ARID1A: variants seen among roughly 807,000 people sequenced by gnomAD.
The protein encoded by ARID1A is AT-rich interaction domain 1A.
In ARID1A, 20 loss-of-function variants were observed where a neutral mutation model predicts 212.6. The observed-to-expected ratio is 0.09, with a 90% CI of 0.07 to 0.14. The LOEUF (loss-of-function observed/expected upper bound fraction) is 0.14, where lower values mean the gene tolerates loss of function less well. Ranked by LOEUF, ARID1A falls within the 10% of genes least tolerant of loss-of-function variation. ARID1A has a pLI of 1.00. For synonymous variants in ARID1A, 1,376 were observed against 1,222.1 expected (o/e 1.13, Z -2.63); for missense variants, 2,587 against 3,059.0 (o/e 0.85, Z 3.64).
At position 26,771,619 on chromosome 1, in the gene ARID1A, T is replaced by C. The variant is rs1230915625; in HGVS notation, c.3406+293T>C. On this transcript the variant is annotated intron_variant, in intron 12 of 19. Coordinates refer to ENST00000324856, the MANE Select transcript of ARID1A (RefSeq NM_006015.6). This position sits in a 1 kb window ranked among gnomAD's most constrained non-coding sequence, Gnocchi z 5.4. ...GCACAAGAGGAGTCGGTGGAACTTA[T>C]AAATGGCAGCAAGGCAGGGCCATCT... 8 of 442,056 alleles carry C rather than the reference T, an allele frequency of 1.8e-5. No individual in the cohort carries two copies. Among genetic ancestry groups the C allele is most frequent in the South Asian group, 5.3e-5 (2 of 38,000 alleles). The allele number at this position is 442,056 out of a possible 1,614,324, so 27.4% of individuals were successfully genotyped here.
Position 26,696,335 on chromosome 1 carries a change from G to A in ARID1A, c.-69G>A. The A allele has an allele frequency of 1.7e-6, 2 of 1,206,720 alleles. No individual in the cohort carries two copies. Among genetic ancestry groups the A allele is most frequent in the Non-Finnish European group, 2.1e-6 (2 of 971,332 alleles). 74.8% of individuals were successfully genotyped at this position (1,206,720 alleles called of 1,614,324 possible). On this transcript the variant is annotated 5_prime_UTR_variant, in exon 1 of 20. Transcript: ENST00000324856. ...GGCAGCCCGGGGGACTGGGCCCCGG[G>A]GCGGGGTGGGAGGGGGGGAGAAGAC... is the stretch of plus-strand genomic sequence containing the variant.
rs1474711243 is a variant in ARID1A at position 26,731,438 on chromosome 1, A to G, written c.1637A>G (p.Gln546Arg). 2 of 1,613,266 alleles carry G rather than the reference A, an allele frequency of 1.2e-6. No individual in the cohort carries two copies. The highest frequency in any genetic ancestry group is 4.5e-5 in the East Asian group (2 of 44,866). Residue 546 changes from glutamine to arginine, a missense_variant, in exon 3 of 20, where the codon CAG becomes CGG. Transcript: ENST00000324856. ...CAGTCGACGACACAGCAGCACCCCC[A>G]GAGCCAGCCCCCCTACTCACAGCCA... ...SQQSTTQQHP[Q>R]SQPPYSQPQA...
Position 26,780,720 on chromosome 1 carries a change from C to G in ARID1A, c.6822C>G (p.Val2274=), listed in dbSNP as rs1165746520. 1 of 1,586,730 alleles carries G rather than the reference C, an allele frequency of 6.3e-7. No homozygotes were observed. Among genetic ancestry groups the G allele is most frequent in the Non-Finnish European group, 8.6e-7 (1 of 1,169,300 alleles). ...SPLMNSLVSQ[V]ICDVLFLIGQ... ...TGATGAACTCATTGGTTTCACAAGT[C>G]ATTTGTGATGTACTGTTTTTGATTG... Residue 2274 remains valine (V), a synonymous_variant, in exon 20 of 20, where the codon GTC becomes GTG. Transcript: ENST00000324856. This position sits in a 1 kb window ranked among gnomAD's most constrained non-coding sequence, Gnocchi z 7.2.
intron 4 of ARID1A, among the ~76,000 whole-genome samples, chr1:26,754,302 G>A (rs911790609): frequency 3.0e-4 from 45 of 152,328 alleles, no homozygotes; most frequent in African/African-American, 1.1e-3. Flanking sequence ...ATCTGTTCAT[G>A]TAGATAGAGG....
chr1:26,732,568 CTT>C lies in ARID1A; in HGVS notation c.1804-106_1804-105del, dbSNP rs932250291. On this transcript the variant is annotated intron_variant, in intron 3 of 19. Coordinates refer to ENST00000324856, the MANE Select transcript of ARID1A (RefSeq NM_006015.6). ...TCACATAATACTTTTCGCAACTGGA[CTT>C]TCTCTCACACTCATGAGAGACAGTC... The C allele has an allele frequency of 8.0e-6, 7 of 869,680 alleles. No individual in the cohort carries two copies. The African/African-American group carries it at 1.2e-4, about 15-fold the overall frequency. The allele number at this position is 869,680 out of a possible 1,614,324, so 53.9% of individuals were successfully genotyped here. A position where few individuals can be genotyped will look rare whatever the true frequency, so the allele number is the denominator to read the frequency against.
chr1:26,709,049 A>G (rs1214284906), intron 1 of ARID1A, among the ~76,000 whole-genome samples: 1 of 152,144 alleles, frequency 6.6e-6, no homozygotes, highest in African/African-American at 2.4e-5. Flanking sequence ...GTTGAGTGCC[A>G]CATACAAAGT....
chr1:26,714,710 G>A (rs1430106132), intron 1 of ARID1A, among the ~76,000 whole-genome samples: 5 of 151,914 alleles, frequency 3.3e-5, no homozygotes, highest in Non-Finnish European at 7.4e-5. Context: ...CCACCGCGCC[G>A]CATATATAAT....
At chr1:26,711,476 ATC>A (rs2080453533) in intron 1 of ARID1A, among the ~76,000 whole-genome samples, 1 of 152,062 alleles carries the variant, frequency 6.6e-6, no homozygotes, top group Non-Finnish European at 1.5e-5. Context: ...TCATGACTTA[ATC>A]TAACCCTAAT....
intron 1 of ARID1A, among the ~76,000 whole-genome samples, chr1:26,723,576 G>C (rs1053576042): frequency 6.6e-6 from 1 of 152,190 alleles, no homozygotes. Context: ...CAGGCAGCCA[G>C]CTTCATGGCC....
At chr1:26,745,062 G>A (rs2080824348) in intron 4 of ARID1A, among the ~76,000 whole-genome samples, 1 of 152,114 alleles carries the variant, frequency 6.6e-6, no homozygotes, top group African/African-American at 2.4e-5. Context: ...TTTCTGTACT[G>A]GACCCTAGGT....
In ARID1A at chr1:26,697,194, C is replaced by T. The variant is rs2124743589; in HGVS notation, c.791C>T (p.Ser264Leu). The T allele has an allele frequency of 7.0e-7, 1 of 1,424,140 alleles. No homozygotes were observed. The highest frequency in any genetic ancestry group is 9.1e-7 in the Non-Finnish European group (1 of 1,095,634). 88.2% of individuals were successfully genotyped at this position (1,424,140 alleles called of 1,614,324 possible). Residue 264 changes from serine (S) to leucine (L), a missense_variant, in exon 1 of 20, where the codon TCG becomes TTG. Ser to Leu is a moderately radical substitution (Grantham distance 145). Transcript: ENST00000324856. ...SSSASASSSS[S>L]SFAQQRFGAM... ...AGCGCCTCCGCCTCCTCGTCGTCTT[C>T]GTCCTTCGCTCAGCAGCGCTTCGGG... is the stretch of plus-strand genomic sequence containing the variant.
rs778241430 is a variant in ARID1A, at chr1:26,697,181, T to G, written c.778T>G (p.Ser260Ala). 36 of 1,428,736 alleles carry G rather than the reference T, an allele frequency of 2.5e-5. No individual in the cohort carries two copies. In the East Asian group the frequency reaches 3.6e-4, roughly 14 times the overall value. The allele number at this position is 1,428,736 out of a possible 1,614,324, so 88.5% of individuals were successfully genotyped here. The change falls in exon 1 of 20, where the codon TCC becomes GCC. Residue 260 changes from serine to alanine, a missense_variant. Ser to Ala is a moderately conservative substitution (Grantham distance 99). Around this residue, in one of 11 missense-constraint regions of ARID1A, gnomAD observed 735 missense variants for 590.6 expected, o/e 1.24. Transcript: ENST00000324856. ...KPPPSSSASA[S>A]SSSSSFAQQR... is the part of the protein sequence containing the mutation. ...GCCTCCCTCCTCCAGCGCCTCCGCCTCCTCGTCGTCTTCGTCCTTCGCTCA... is the reference window on the plus strand; with the variant it reads ...GCCTCCCTCCTCCAGCGCCTCCGCCGCCTCGTCGTCTTCGTCCTTCGCTCA...
intron 4 of ARID1A, among the ~76,000 whole-genome samples, chr1:26,747,132 G>C (rs752634298): frequency 6.6e-6 from 1 of 152,034 alleles, no homozygotes. Flanking sequence ...TTGTGTCTAC[G>C]ACATACTAGA....
intron 4 of ARID1A, among the ~76,000 whole-genome samples, chr1:26,750,215 T>G (rs1214811539): frequency 6.6e-6 from 1 of 152,190 alleles, no homozygotes; most frequent in Admixed American, 6.5e-5. Context: ...AAATAGATGG[T>G]TTAATAGAAT....
At chr1:26,754,398 TGGTG>T (rs1338859794) in intron 4 of ARID1A, among the ~76,000 whole-genome samples, 1 of 152,224 alleles carries the variant, frequency 6.6e-6, no homozygotes, top group East Asian at 1.9e-4. Flanking sequence ...CCACTGGGAC[TGGTG>T]GGTATGTCTT....
intron 11 of ARID1A, 94 bp downstream of exon 11, chr1:26,768,093 G>A: frequency 7.5e-7 from 1 of 1,330,564 alleles, no homozygotes; most frequent in African/African-American, 1.5e-5. Flanking sequence ...GCATCCCACA[G>A]GGACATCATC....
At chr1:26,710,528 C>CACACACACACACACAG (rs1553147494) in intron 1 of ARID1A, among the ~76,000 whole-genome samples, 4 of 148,318 alleles carry the variant, frequency 2.7e-5, no homozygotes, top group Admixed American at 6.7e-5. Context: ...CACACACACA[C>CACACACACACACACAG]CACTTGTTGT....
intron 4 of ARID1A, 53 bp downstream of exon 4, chr1:26,732,845 G>A (rs1570577313): frequency 8.5e-5 from 122 of 1,437,564 alleles, no homozygotes; most frequent in Non-Finnish European, 1.1e-4. Context: ...GGAAACCAAT[G>A]CAAACTAGTT....
intron 4 of ARID1A, among the ~76,000 whole-genome samples, chr1:26,756,378 A>G (rs907255248): frequency 1.3e-5 from 2 of 152,004 alleles, no homozygotes; most frequent in African/African-American, 4.8e-5. Context: ...CAACATGTTG[A>G]AACCCCGTCT....
Sources: allele counts gnomAD v4.1 joint callset (sites outside exome capture counted in the v4.1 genomes callset), GRCh38; gene constraint gnomAD v4.1.1; regional missense constraint gnomAD v4.1.1; non-coding constraint Gnocchi (gnomAD v3.1); transcripts MANE v1.5; gene names NCBI Gene and HGNC (gene_info 2026-07-23, HGNC 2026-07-21).